The following KDM7A variants were observed in gnomAD, a reference collection of about 807,000 sequenced individuals.
The protein encoded by KDM7A is lysine-specific demethylase 7A.
A neutral mutation model predicts 114.8 loss-of-function variants in KDM7A; 28 were observed. The ratio of observed to expected loss-of-function variants is 0.24; its 90% CI spans 0.18 to 0.33. The LOEUF is 0.33. Among genes scored for constraint, KDM7A ranks in the 10% least tolerant of loss-of-function variants. KDM7A has a pLI of 1.00. For synonymous variants in KDM7A, 423 were observed against 397.8 expected (o/e 1.06, Z -0.75); for missense variants, 942 against 1,142.5 (o/e 0.82, Z 2.53).
chr7:140,100,719 TATATATATATATATATATATATACATATA>T (rs1562946093), intron 12 of KDM7A, among the ~76,000 whole-genome samples: 4,203 of 59,500 alleles, frequency 0.071, 209 homozygotes, highest in African/African-American at 0.23. Context: ...CACATATATA[TATATATATATATATATATATATACATATA>T]TATTTTTTTG....
intron 1 of KDM7A, among the ~76,000 whole-genome samples, chr7:140,139,775 T>C (rs569132473): frequency 6.6e-6 from 1 of 152,240 alleles, no homozygotes; most frequent in East Asian, 1.9e-4. Flanking sequence ...AATTGATTCT[T>C]TGAAAAGATT....
intron 9 of KDM7A, among the ~76,000 whole-genome samples, chr7:140,116,260 G>GTA: frequency 6.6e-6 from 1 of 151,608 alleles, no homozygotes; most frequent in African/African-American, 2.4e-5. Context: ...GAATCAGTGT[G>GTA]TGTGTGTGTG....
chr7:140,151,772 A>G (rs1179127581), intron 1 of KDM7A, among the ~76,000 whole-genome samples: 1 of 152,238 alleles, frequency 6.6e-6, no homozygotes, highest in Admixed American at 6.5e-5. Flanking sequence ...CAAATGGATT[A>G]TAAATGAAAT....
In KDM7A at chr7:140,096,595, C is replaced by T. The variant is rs180749376; in HGVS notation, c.2334G>A (p.Glu778=). 7.4e-4 allele frequency: 1,188 copies of T among 1,614,188 alleles called. 7 individuals are homozygous for T. Among genetic ancestry groups the T allele is most frequent in the Non-Finnish European group, 4.0e-4 (467 of 1,180,018 alleles). The change falls in exon 17 of 20, where the codon GAG becomes GAA. Residue 778 remains glutamate (E), a synonymous_variant. Transcript: ENST00000397560. The stretch of plus-strand genomic sequence containing the variant: ...TATCATAGCGATACAACTGCCTAAC[C>T]TCATGGTTACTGCCATGGCAGCTGC... ...DPSSCHGSNH[E]VRQLYRYDKP...
intron 7 of KDM7A, among the ~76,000 whole-genome samples, chr7:140,123,102 T>C (rs1818641205): frequency 6.6e-6 from 1 of 151,964 alleles, no homozygotes; most frequent in African/African-American, 2.4e-5. Context: ...ACAAGAAAAA[T>C]GCTCAGCATC....
Position 140,102,096 on chromosome 7 carries a change from G to T in KDM7A, c.1493C>A (p.Ser498Ter). ...IPIVCPVSRS[S>*]NEATSPYHSR... is the part of the protein sequence containing the mutation. ...ATGGTATGGGGAAGTTGCTTCATTT[G>T]AGGATCGTGAAACTGGACACACAAT... is the stretch of plus-strand genomic sequence containing the variant. The change falls in exon 12 of 20, where the codon TCA (serine) becomes TAA (stop). Residue 498 changes from serine (S) to a stop codon, truncating the protein, a stop_gained. Transcript: ENST00000397560. LOFTEE classifies it high-confidence loss of function. The T allele has an allele frequency of 1.9e-6, 3 of 1,614,022 alleles. No individual in the cohort carries two copies. The highest frequency in any genetic ancestry group is 2.5e-6 in the Non-Finnish European group (3 of 1,179,916).
intron 9 of KDM7A, among the ~76,000 whole-genome samples, chr7:140,115,223 G>A (rs1376963810): frequency 2.0e-5 from 3 of 148,068 alleles, no homozygotes; most frequent in South Asian, 2.2e-4. Context: ...GGTAGGGGGC[G>A]CCTCTGCCCG....
At chr7:140,103,772 C>T (rs984092536) in intron 11 of KDM7A, among the ~76,000 whole-genome samples, 22 of 152,166 alleles carry the variant, frequency 1.4e-4, no homozygotes, top group African/African-American at 4.6e-4. Context: ...AATAAACATA[C>T]GTGTGCATGT....
intron 1 of KDM7A, among the ~76,000 whole-genome samples, chr7:140,160,244 G>T (rs928056555): frequency 1.3e-5 from 2 of 152,154 alleles, no homozygotes; most frequent in African/African-American, 4.8e-5. Flanking sequence ...TGTGATAGAG[G>T]CCAATGAAAG....
intron 6 of KDM7A, 34 bp from the exon 7 acceptor site, chr7:140,124,817 C>A: frequency 7.1e-7 from 1 of 1,404,748 alleles, no homozygotes. Flanking sequence ...TTTGAAAAAG[C>A]AAAAGCCATA....
intron 10 of KDM7A, among the ~76,000 whole-genome samples, chr7:140,112,676 T>C (rs1273286399): frequency 6.6e-6 from 1 of 151,936 alleles, no homozygotes; most frequent in Non-Finnish European, 1.5e-5. Flanking sequence ...GTATCACCTA[T>C]TAAAGTATTA....
intron 1 of KDM7A, among the ~76,000 whole-genome samples, chr7:140,140,050 A>T (rs1192334606): frequency 6.6e-6 from 1 of 152,210 alleles, no homozygotes; most frequent in Non-Finnish European, 1.5e-5. Context: ...AGTTCTATCA[A>T]ATATTCAAGA....
At chr7:140,129,845 A>C (rs1330764026) in intron 3 of KDM7A, among the ~76,000 whole-genome samples, 192 bp from the exon 4 acceptor site, 1 of 152,206 alleles carries the variant, frequency 6.6e-6, no homozygotes, top group Non-Finnish European at 1.5e-5. Context: ...ATTTATAGAT[A>C]ATGTAATATA....
At chr7:140,156,375 C>A (rs1794458035) in intron 1 of KDM7A, among the ~76,000 whole-genome samples, 1 of 152,162 alleles carries the variant, frequency 6.6e-6, no homozygotes, top group Admixed American at 6.5e-5. Flanking sequence ...CAATGAAATC[C>A]AAACTCTATT....
chr7:140,112,925 G>C (rs1562949629), intron 10 of KDM7A, among the ~76,000 whole-genome samples: 1 of 152,216 alleles, frequency 6.6e-6, no homozygotes, highest in Admixed American at 6.5e-5. Context: ...AAAATGGAAA[G>C]CTCATGCTTG....
intron 2 of KDM7A, among the ~76,000 whole-genome samples, chr7:140,137,436 A>C (rs1408147718): frequency 1.3e-5 from 2 of 152,238 alleles, no homozygotes; most frequent in African/African-American, 4.8e-5. Context: ...CTGTATACTT[A>C]AATTCTAAAC....
At position 140,096,762 on chromosome 7, in the gene KDM7A, C is replaced by G; in HGVS notation, c.2167G>C (p.Glu723Gln). Residue 723 changes from glutamate (E) to glutamine (Q), a missense_variant and splice_region_variant, in exon 17 of 20, where the codon GAA (glutamate) becomes CAA (glutamine). Around this residue, in one of 4 missense-constraint regions of KDM7A, gnomAD observed 512 missense variants for 576.6 expected, o/e 0.89. Coordinates refer to ENST00000397560, the MANE Select transcript of KDM7A (RefSeq NM_030647.2). ...TCTGTGCTCGTCGAGGTAGGACATT[C>G]CCTAAAGAAGAGATGATCCAAAAAC... is the stretch of plus-strand genomic sequence containing the variant. ...PSRSEIPIKR[E>Q]CPTSTSTEEE... The G allele has an allele frequency of 6.2e-7, 1 of 1,613,314 alleles. No individual in the cohort carries two copies. Among genetic ancestry groups the G allele is most frequent in the Non-Finnish European group, 8.5e-7 (1 of 1,179,516 alleles).
chr7:140,101,861 AC>A (rs759116824), intron 12 of KDM7A, 89 bp downstream of exon 12: 9 of 849,458 alleles, frequency 1.1e-5, no homozygotes, highest in Non-Finnish European at 9.7e-6. Context: ...TTAGATATCA[AC>A]AATAGTCAAG....
intron 9 of KDM7A, 99 bp from the exon 10 acceptor site, chr7:140,113,681 T>C (rs1467341996): frequency 3.9e-6 from 2 of 512,008 alleles, no homozygotes; most frequent in East Asian, 3.2e-5. Context: ...AATATAAAAC[T>C]ATATAACTTC....
Sources: gnomAD v4.1 joint callset for allele counts (sites outside exome capture counted in the v4.1 genomes callset) on GRCh38, gnomAD v4.1.1 for gene constraint, gnomAD v4.1.1 regional missense constraint, MANE v1.5 for transcripts, NCBI Gene and HGNC (gene_info 2026-07-23, HGNC 2026-07-21) for gene names.